Variants in SLIT3 observed in about 807,000 individuals in gnomAD.
SLIT3 encodes slit homolog 3 protein.
SLIT3 carries 68 observed loss-of-function variants against 184.0 expected under a neutral mutation model. That is an observed-to-expected ratio of 0.37 (90% CI 0.30 to 0.45). The LOEUF (loss-of-function observed/expected upper bound fraction) is 0.45. SLIT3 is among the 20% of genes least tolerant of loss of function. SLIT3 has a pLI of 1.00. For missense variants in SLIT3, 1,707 were observed against 2,026.0 expected (o/e 0.84, Z 3.02); for synonymous variants, 831 against 828.6 (o/e 1.00, Z -0.05).
chr5:169,134,320 C>G (rs761205984), intron 4 of SLIT3, among the ~76,000 whole-genome samples: 1 of 152,206 alleles, frequency 6.6e-6, no homozygotes. Context: ...CCACCTGGGG[C>G]CTCTGTCCCT....
rs374205856 is a variant in SLIT3 at position 169,195,453 on chromosome 5, G to A, written c.342-1903C>T. Among the ~76,000 whole-genome samples, 21 of 152,350 alleles carry A rather than the reference G, an allele frequency of 1.4e-4. No individual in the cohort carries two copies. The South Asian group carries it at 1.4e-3, about 11-fold the overall frequency. ...AAGCCATCCACGAGACTCCTGATGA[G>A]GAGGAGGCAAGGAGGAAAGGCTGGA... On this transcript the variant is annotated intron_variant, in intron 3 of 35. Coordinates refer to ENST00000519560, the MANE Select transcript of SLIT3 (RefSeq NM_003062.4).
intron 4 of SLIT3, among the ~76,000 whole-genome samples, chr5:168,924,220 C>A (rs1298727002): frequency 6.6e-6 from 1 of 152,188 alleles, no homozygotes; most frequent in Non-Finnish European, 1.5e-5. Context: ...AGACATGGAG[C>A]TAAGTGGTCA....
At chr5:169,066,353 T>C (rs1376689667) in intron 4 of SLIT3, among the ~76,000 whole-genome samples, 1 of 152,096 alleles carries the variant, frequency 6.6e-6, no homozygotes, top group Non-Finnish European at 1.5e-5. Context: ...CACACCAAAA[T>C]TAACATCACA....
chr5:168,765,821 A>G (rs1185232867), intron 14 of SLIT3, among the ~76,000 whole-genome samples: 2 of 152,166 alleles, frequency 1.3e-5, no homozygotes, highest in Non-Finnish European at 2.9e-5. Flanking sequence ...AGCTGATGTC[A>G]TCTGGCATCT....
chr5:169,129,324 G>C (rs1356515643), intron 4 of SLIT3, among the ~76,000 whole-genome samples: 1 of 152,152 alleles, frequency 6.6e-6, no homozygotes, highest in East Asian at 1.9e-4. Flanking sequence ...GGCCAAGTGG[G>C]GAGGATCATT....
At chr5:168,807,581 G>A (rs1267270242) in intron 8 of SLIT3, among the ~76,000 whole-genome samples, 6 of 152,140 alleles carry the variant, frequency 3.9e-5, no homozygotes, top group African/African-American at 1.2e-4. Flanking sequence ...GCTAACAGGG[G>A]TTATTTCAAT....
intron 4 of SLIT3, among the ~76,000 whole-genome samples, chr5:169,118,543 GA>G (rs138492018): frequency 0.014 from 2,192 of 152,276 alleles, 59 homozygotes; most frequent in African/African-American, 0.047. Context: ...AGGCAGGACC[GA>G]GTCAAGACCC....
At chr5:168,912,779 C>T (rs1390186812) in intron 4 of SLIT3, among the ~76,000 whole-genome samples, 1 of 152,054 alleles carries the variant, frequency 6.6e-6, no homozygotes, top group South Asian at 2.1e-4. Context: ...GGGCTATAAA[C>T]CCATCTCCTC....
chr5:168,905,089 A>C (rs1188681565), intron 4 of SLIT3, among the ~76,000 whole-genome samples: 1 of 152,134 alleles, frequency 6.6e-6, no homozygotes, highest in Non-Finnish European at 1.5e-5. Flanking sequence ...AGACAGGCGA[A>C]TTGCTCGAAC....
intron 11 of SLIT3, among the ~76,000 whole-genome samples, chr5:168,787,054 A>AC (rs1169117360): frequency 1.3e-5 from 2 of 151,066 alleles, no homozygotes; most frequent in Non-Finnish European, 3.0e-5. Context: ...GATAAACCAA[A>AC]CCCCCCTTTT....
chr5:169,133,941 A>G (rs1048642605), intron 4 of SLIT3, among the ~76,000 whole-genome samples: 5 of 152,238 alleles, frequency 3.3e-5, no homozygotes, highest in Non-Finnish European at 7.3e-5. Flanking sequence ...AAATTGCTGT[A>G]CTAGAGCACA....
chr5:168,816,823 T>C (rs1757347012), intron 8 of SLIT3, among the ~76,000 whole-genome samples: 1 of 152,198 alleles, frequency 6.6e-6, no homozygotes, highest in Non-Finnish European at 1.5e-5. Flanking sequence ...ATTATTTCCA[T>C]ATTGCGGATG....
At chr5:169,242,477 T>C (rs1283515594) in intron 3 of SLIT3, among the ~76,000 whole-genome samples, 3 of 152,232 alleles carry the variant, frequency 2.0e-5, no homozygotes. Context: ...TGACATGTAC[T>C]TCTTGAAATC....
chr5:168,762,457 C>T (rs1216238165), intron 15 of SLIT3, 82 bp downstream of exon 15: 17 of 1,496,636 alleles, frequency 1.1e-5, no homozygotes, highest in South Asian at 2.4e-5. Flanking sequence ...AAGGGGTCAC[C>T]GCCAGGAGAC....
chr5:169,085,227 C>T (rs1015659392), intron 4 of SLIT3, among the ~76,000 whole-genome samples: 2 of 152,116 alleles, frequency 1.3e-5, no homozygotes, highest in African/African-American at 2.4e-5. Flanking sequence ...CAGAGCAGGT[C>T]GGCTGGAAAC....
intron 4 of SLIT3, among the ~76,000 whole-genome samples, chr5:168,892,299 G>A (rs1002903020): frequency 6.6e-6 from 1 of 152,106 alleles, no homozygotes; most frequent in Non-Finnish European, 1.5e-5. Flanking sequence ...AGTCTGATGT[G>A]TATTTTACAC....
At chr5:169,022,213 G>T (rs1016702214) in intron 4 of SLIT3, 3 of 152,248 alleles carry the variant, frequency 2.0e-5, no homozygotes, top group African/African-American at 4.8e-5. Context: ...TCCCAGAGCC[G>T]CTGAGGAGCA....
chr5:168,756,073 G>A (rs939922841), intron 16 of SLIT3, among the ~76,000 whole-genome samples: 8 of 152,220 alleles, frequency 5.3e-5, no homozygotes, highest in South Asian at 2.1e-4. Context: ...CAAGGAAATC[G>A]CAGGTGGAGG....
chr5:168,883,190 C>CAT, intron 5 of SLIT3, 75 bp downstream of exon 5: 1 of 1,200,658 alleles, frequency 8.3e-7, no homozygotes, highest in Non-Finnish European at 1.2e-6. Flanking sequence ...CCTCTTGTCC[C>CAT]ATCCCTCACC....
Sources: gnomAD v4.1 joint callset for allele counts (sites outside exome capture counted in the v4.1 genomes callset) on GRCh38, gnomAD v4.1.1 for gene constraint, MANE v1.5 for transcripts, NCBI Gene and HGNC (gene_info 2026-07-23, HGNC 2026-07-21) for gene names.